The following NEGR1 variants were observed in gnomAD, a reference collection of about 807,000 sequenced individuals.
NEGR1 encodes neuronal growth regulator 1, also known as IgLON family member 4.
Under a neutral mutation model 40.9 loss-of-function variants are expected in NEGR1, and 10 were observed. The observed-to-expected ratio is 0.24, with a 90% CI of 0.15 to 0.42. The LOEUF (loss-of-function observed/expected upper bound fraction) is 0.42. NEGR1 is among the 10% of genes least tolerant of loss of function. The pLI is 1.00. For synonymous variants in NEGR1, 185 were observed against 166.8 expected (o/e 1.11, Z -0.84); for missense variants, 352 against 438.9 (o/e 0.80, Z 1.77).
intron 6 of NEGR1, among the ~76,000 whole-genome samples, chr1:71,441,601 A>G (rs1256374726): frequency 6.6e-6 from 1 of 152,198 alleles, no homozygotes; most frequent in Non-Finnish European, 1.5e-5. Context: ...ATGAGAAGGC[A>G]TCATCAAGGG....
At chr1:72,056,842 C>T (rs549996569) in intron 1 of NEGR1, among the ~76,000 whole-genome samples, 9 of 151,502 alleles carry the variant, frequency 5.9e-5, no homozygotes, top group Non-Finnish European at 8.9e-5. Flanking sequence ...CTGAAGCATC[C>T]GATTAATCAC....
intron 1 of NEGR1, among the ~76,000 whole-genome samples, chr1:72,235,731 C>G (rs753861001): frequency 6.6e-6 from 1 of 151,760 alleles, no homozygotes; most frequent in Non-Finnish European, 1.5e-5. Context: ...TAATAGGAAG[C>G]CATTCTAGGG....
At chr1:72,249,415 A>G (rs1655011507) in intron 1 of NEGR1, among the ~76,000 whole-genome samples, 1 of 152,306 alleles carries the variant, frequency 6.6e-6, no homozygotes, top group Non-Finnish European at 1.5e-5. Flanking sequence ...GCCTCAGTAG[A>G]TATGTAAAAA....
At chr1:71,818,407 C>A (rs1658306588) in intron 2 of NEGR1, among the ~76,000 whole-genome samples, 1 of 151,950 alleles carries the variant, frequency 6.6e-6, no homozygotes, top group Non-Finnish European at 1.5e-5. Context: ...AGGCCATTAT[C>A]TAACTAAGCA....
At chr1:71,453,808 G>T (rs1022962759) in intron 6 of NEGR1, among the ~76,000 whole-genome samples, 1 of 152,162 alleles carries the variant, frequency 6.6e-6, no homozygotes, top group Non-Finnish European at 1.5e-5. Context: ...CATGAACTCT[G>T]GAATGGTTCT....
At chr1:71,524,142 T>A (rs1647187549) in intron 6 of NEGR1, among the ~76,000 whole-genome samples, 1 of 151,866 alleles carries the variant, frequency 6.6e-6, no homozygotes, top group Non-Finnish European at 1.5e-5. Context: ...ATTTCCTACA[T>A]GCATTATTGA....
chr1:71,608,443 C>T (rs1374265985), intron 5 of NEGR1, among the ~76,000 whole-genome samples: 2 of 150,348 alleles, frequency 1.3e-5, no homozygotes, highest in African/African-American at 2.4e-5. Context: ...CACCAATTGG[C>T]CCTTTTCTAT....
intron 2 of NEGR1, among the ~76,000 whole-genome samples, chr1:71,896,450 G>C (rs1327808660): frequency 3.3e-5 from 5 of 152,100 alleles, no homozygotes; most frequent in Non-Finnish European, 7.3e-5. Flanking sequence ...AGATACTAGT[G>C]CCTTATCTAA....
At chr1:71,704,403 CTAAT>C (rs1653816919) in intron 3 of NEGR1, among the ~76,000 whole-genome samples, 1 of 151,508 alleles carries the variant, frequency 6.6e-6, no homozygotes, top group Non-Finnish European at 1.5e-5. Flanking sequence ...CTTAACCAGA[CTAAT>C]AAAGAACAAA....
intron 1 of NEGR1, among the ~76,000 whole-genome samples, chr1:72,071,286 G>GA (rs1023960271): frequency 1.3e-5 from 2 of 151,634 alleles, no homozygotes; most frequent in Non-Finnish European, 2.9e-5. Context: ...TGAACAGCAA[G>GA]AAAAAAATGG....
At chr1:71,594,521 A>T (rs1251585834) in intron 5 of NEGR1, among the ~76,000 whole-genome samples, 1 of 152,222 alleles carries the variant, frequency 6.6e-6, no homozygotes, top group Non-Finnish European at 1.5e-5. Context: ...GGCTTACCCC[A>T]AATGCAAACT....
chr1:71,674,250 C>T (rs991470510), intron 4 of NEGR1, among the ~76,000 whole-genome samples: 2 of 152,202 alleles, frequency 1.3e-5, no homozygotes, highest in Middle Eastern at 3.4e-3. Flanking sequence ...ATAAAATCAA[C>T]ATCTATCACC....
intron 2 of NEGR1, among the ~76,000 whole-genome samples, chr1:71,777,034 T>C (rs762841598): frequency 3.9e-5 from 6 of 152,132 alleles, no homozygotes; most frequent in Admixed American, 1.3e-4. Flanking sequence ...TCTGATGTAT[T>C]AGACTAGAGA....
At chr1:71,566,917 A>C (rs1648639671) in intron 6 of NEGR1, among the ~76,000 whole-genome samples, 1 of 152,158 alleles carries the variant, frequency 6.6e-6, no homozygotes, top group South Asian at 2.1e-4. Context: ...GAAAGGGGCA[A>C]ACAAGCTCCC....
At chr1:71,964,221 A>AC (rs1410029489) in intron 1 of NEGR1, among the ~76,000 whole-genome samples, 1 of 151,922 alleles carries the variant, frequency 6.6e-6, no homozygotes, top group Non-Finnish European at 1.5e-5. Context: ...TGGCCTTGAC[A>AC]CCCCCATCGA....
At chr1:71,537,845 G>A (rs959462938) in intron 6 of NEGR1, among the ~76,000 whole-genome samples, 1 of 151,710 alleles carries the variant, frequency 6.6e-6, no homozygotes, top group Admixed American at 6.6e-5. Flanking sequence ...TGTAAGCAGT[G>A]AAATATTCTT....
intron 2 of NEGR1, among the ~76,000 whole-genome samples, chr1:71,810,520 G>A (rs1657962688): frequency 6.6e-6 from 1 of 152,114 alleles, no homozygotes; most frequent in Non-Finnish European, 1.5e-5. Flanking sequence ...TTTTTAATGA[G>A]TTTACTGAAA....
chr1:71,681,901 A>C (rs1557611002), intron 4 of NEGR1, among the ~76,000 whole-genome samples: 2 of 152,250 alleles, frequency 1.3e-5, no homozygotes, highest in South Asian at 2.1e-4. Flanking sequence ...ATCTCAGCTC[A>C]CTGCAACTTT....
At chr1:71,816,218 G>T (rs554824387) in intron 2 of NEGR1, among the ~76,000 whole-genome samples, 5 of 152,072 alleles carry the variant, frequency 3.3e-5, no homozygotes, top group African/African-American at 1.2e-4. Flanking sequence ...TTATTATGTT[G>T]GCTTTTGTAT....
Sources: allele counts gnomAD v4.1 joint callset (sites outside exome capture counted in the v4.1 genomes callset), GRCh38; gene constraint gnomAD v4.1.1; transcripts MANE v1.5; gene names NCBI Gene and HGNC (gene_info 2026-07-23, HGNC 2026-07-21).